RAB35: variants seen among roughly 807,000 people sequenced by gnomAD.
RAB35 encodes the protein ras-related protein Rab-35.
RAB35 carries 4 observed loss-of-function variants against 28.9 expected under a neutral mutation model. The ratio of observed to expected loss-of-function variants is 0.14; its 90% CI spans 0.07 to 0.32. RAB35 has a LOEUF of 0.32. Ranked by LOEUF, RAB35 falls within the 10% of genes least tolerant of loss-of-function variation. The pLI, the probability that RAB35 is intolerant of heterozygous loss-of-function variation, is 1.00. For missense variants in RAB35, 128 were observed against 274.0 expected (o/e 0.47, Z 3.76); for synonymous variants, 99 against 105.1 (o/e 0.94, Z 0.35).
chr12:120,116,533 G>A, intron 1 of RAB35, 66 bp downstream of exon 1: 1 of 936,602 alleles, frequency 1.1e-6, no homozygotes, highest in East Asian at 1.1e-4. Context: ...CCCGCCTGCC[G>A]CCCCGAGGCC....
intron 1 of RAB35, among the ~76,000 whole-genome samples, chr12:120,113,521 T>C (rs905720367): frequency 9.2e-5 from 14 of 151,898 alleles, no homozygotes; most frequent in African/African-American, 2.9e-4. Context: ...AGGGAAAGTA[T>C]AGAAAATACA....
rs1875672887 is a variant in RAB35, at chr12:120,101,857, A to AGGAACCAG, written c.227+1961_227+1968dup. 3.3e-5 allele frequency among the ~76,000 whole-genome samples: 5 copies of AGGAACCAG among 152,304 alleles called. No individual in the cohort carries two copies. In the South Asian group the frequency reaches 8.3e-4, roughly 25 times the overall value. On this transcript the variant is annotated intron_variant, in intron 3 of 5. Coordinates refer to ENST00000229340, the MANE Select transcript of RAB35 (RefSeq NM_006861.7). ...TCCTCCCCGCCTCCCCACGGAATGG[A>AGGAACCAG]GGAACCAGTTCACCTTCTTCCCGCT...
intron 3 of RAB35, among the ~76,000 whole-genome samples, chr12:120,102,292 G>A (rs1006861507): frequency 1.3e-5 from 2 of 152,234 alleles, no homozygotes; most frequent in Non-Finnish European, 1.5e-5. Flanking sequence ...AAGGATTCAT[G>A]AGGTCAGCGC....
intron 1 of RAB35, among the ~76,000 whole-genome samples, chr12:120,109,697 T>A (rs1175817152): frequency 6.8e-6 from 1 of 146,490 alleles, no homozygotes; most frequent in East Asian, 2.1e-4. Flanking sequence ...AGAGACGAGG[T>A]CTTGCTATGT....
At chr12:120,102,928 G>A (rs1410699671) in intron 3 of RAB35, among the ~76,000 whole-genome samples, 1 of 152,158 alleles carries the variant, frequency 6.6e-6, no homozygotes, top group Admixed American at 6.5e-5. Context: ...GCCGCTGGGA[G>A]GGACCCCTCC....
At chr12:120,106,894 T>A (rs1027229500) in intron 2 of RAB35, among the ~76,000 whole-genome samples, 1 of 147,338 alleles carries the variant, frequency 6.8e-6, no homozygotes, top group African/African-American at 2.5e-5. Flanking sequence ...GCCAACGGAA[T>A]CACTTTCTAA....
At chr12:120,105,856 G>A (rs1448395250) in intron 2 of RAB35, among the ~76,000 whole-genome samples, 10 of 147,318 alleles carry the variant, frequency 6.8e-5, no homozygotes, top group African/African-American at 2.6e-4. Flanking sequence ...GGCGGAGCTT[G>A]CAGTGAGCCA....
At chr12:120,108,541 A>G in intron 1 of RAB35, 74 bp from the exon 2 acceptor site, 1 of 1,410,724 alleles carries the variant, frequency 7.1e-7, no homozygotes, top group East Asian at 2.3e-5. Flanking sequence ...TTCTTCCGGG[A>G]GAGGATGCCT....
chr12:120,102,805 C>T (rs1183490713), intron 3 of RAB35, among the ~76,000 whole-genome samples: 2 of 152,178 alleles, frequency 1.3e-5, no homozygotes, highest in Non-Finnish European at 2.9e-5. Flanking sequence ...CTTCCTCATT[C>T]GCCTTCCTGA....
intron 1 of RAB35, among the ~76,000 whole-genome samples, chr12:120,112,097 C>T (rs984459389): frequency 3.9e-5 from 6 of 152,102 alleles, no homozygotes; most frequent in African/African-American, 1.4e-4. Flanking sequence ...TTGCCTCAGC[C>T]TCCGGAGTAG....
intron 1 of RAB35, among the ~76,000 whole-genome samples, chr12:120,113,999 G>C (rs1876230173): frequency 1.3e-5 from 2 of 152,222 alleles, no homozygotes; most frequent in Admixed American, 1.3e-4. Context: ...GACATGAGCT[G>C]CTCGCACACG....
chr12:120,097,456 C>G (rs113565625), intron 5 of RAB35, 83 bp from the exon 6 acceptor site: 1 of 1,116,654 alleles, frequency 9.0e-7, no homozygotes, highest in Non-Finnish European at 1.3e-6. Context: ...CCCCGCCTTC[C>G]GGGGCCCAGC....
intron 3 of RAB35, among the ~76,000 whole-genome samples, chr12:120,100,482 C>T (rs1380718714): frequency 6.6e-6 from 1 of 152,218 alleles, no homozygotes; most frequent in Admixed American, 6.5e-5. Flanking sequence ...CGTTCTTCAG[C>T]ATCATCAATG....
At chr12:120,102,792 G>A (rs1319379217) in intron 3 of RAB35, among the ~76,000 whole-genome samples, 1 of 152,202 alleles carries the variant, frequency 6.6e-6, no homozygotes, top group Non-Finnish European at 1.5e-5. Flanking sequence ...CCGCTGGCTG[G>A]GACTTCCTCA....
chr12:120,113,810 TC>T (rs1876221379), intron 1 of RAB35, among the ~76,000 whole-genome samples: 1 of 131,056 alleles, frequency 7.6e-6, no homozygotes, highest in Non-Finnish European at 1.5e-5. Context: ...AGAGCGAGAC[TC>T]CGTCTCAAAA....
chr12:120,098,674 T>G, intron 5 of RAB35, 137 bp downstream of exon 5: 3 of 1,229,018 alleles, frequency 2.4e-6, no homozygotes, highest in Non-Finnish European at 3.4e-6. Flanking sequence ...TTAAAGGGCC[T>G]GGCACATAGT....
intron 1 of RAB35, among the ~76,000 whole-genome samples, chr12:120,114,528 T>C (rs957222513): frequency 3.3e-5 from 5 of 152,256 alleles, no homozygotes; most frequent in South Asian, 2.1e-4. Context: ...TGTCAGTCTC[T>C]GGGCTCAGCT....
At chr12:120,112,295 G>T (rs1160167163) in intron 1 of RAB35, among the ~76,000 whole-genome samples, 1 of 151,854 alleles carries the variant, frequency 6.6e-6, no homozygotes, top group Non-Finnish European at 1.5e-5. Context: ...CCTGGCTGCT[G>T]TATCTGGTCC....
intron 1 of RAB35, among the ~76,000 whole-genome samples, chr12:120,111,480 G>C (rs1876115752): frequency 6.6e-6 from 1 of 152,088 alleles, no homozygotes; most frequent in Non-Finnish European, 1.5e-5. Flanking sequence ...AAGAGATCGA[G>C]ACCATCCTGG....
Sources: gnomAD v4.1 joint callset for allele counts (sites outside exome capture counted in the v4.1 genomes callset) on GRCh38, gnomAD v4.1.1 for gene constraint, MANE v1.5 for transcripts, NCBI Gene and HGNC (gene_info 2026-07-23, HGNC 2026-07-21) for gene names.